Variants in ERAP1 observed in about 807,000 individuals in gnomAD.
The protein encoded by ERAP1 is endoplasmic reticulum aminopeptidase 1, also known as adipocyte-derived leucine aminopeptidase.
Under a neutral mutation model 103.7 loss-of-function variants are expected in ERAP1, and 86 were observed. The observed-to-expected ratio is 0.83, with a 90% CI of 0.70 to 0.99. ERAP1 has a LOEUF of 0.99. Ranked by LOEUF, ERAP1 falls within the 50% of genes least tolerant of loss-of-function variation. The probability of loss-of-function intolerance (pLI) is 0.00; values close to 1 mark genes in which losing one functional copy is unlikely to be tolerated. For synonymous variants in ERAP1, 398 were observed against 402.4 expected, an observed-to-expected ratio of 0.99 and a Z score of 0.13; for missense variants, 1,009 against 1,128.4, an observed-to-expected ratio of 0.89 and a Z score of 1.52.
Position 96,783,957 on chromosome 5 carries a change from T to C in ERAP1, c.2067A>G (p.Lys689=), listed in dbSNP as rs150327661. The change falls in exon 14 of 19, where the codon AAA becomes AAG. Residue 689 remains lysine (K), a synonymous_variant. Transcript: ENST00000443439. ...GAGTTTCCACTTCATTCATATCTCT[T>C]TTCTCCATTAACTTATACATAGGAA... The part of the protein sequence containing the change: ...ELIPMYKLME[K]RDMNEVETQF... 378 of 1,613,878 alleles carry C rather than the reference T, an allele frequency of 2.3e-4. 4 individuals carry two copies. In the African/African-American group the frequency reaches 4.8e-3, roughly 21 times the overall value.
At chr5:96,856,179 C>A in the ERAP1 span, among the ~76,000 whole-genome samples, 1 of 150,064 alleles carries the variant, frequency 6.7e-6, no homozygotes, top group Non-Finnish European at 1.5e-5. Flanking sequence ...ATTAGCTGGA[C>A]GTGGTGGCAG....
At chr5:96,883,775 G>A in the ERAP1 span, 1 of 1,605,960 alleles carries the variant, frequency 6.2e-7, no homozygotes, top group Non-Finnish European at 8.5e-7. Flanking sequence ...TTTGGCTGGG[G>A]GTGGGTCTTT....
At chr5:96,833,008 C>T in the ERAP1 span, among the ~76,000 whole-genome samples, 5 of 152,170 alleles carry the variant, frequency 3.3e-5, no homozygotes, top group African/African-American at 1.2e-4. Context: ...CTTTCTGCCA[C>T]CTGAGGATAC....
chr5:96,791,347 C>CT (rs575252704), intron 8 of ERAP1, among the ~76,000 whole-genome samples: 73 of 152,278 alleles, frequency 4.8e-4, no homozygotes, highest in Non-Finnish European at 1.3e-4. Context: ...TTCCCCTGGA[C>CT]TTTCAATGGA....
intron 14 of ERAP1, among the ~76,000 whole-genome samples, 160 bp from the exon 15 acceptor site, chr5:96,783,395 AAAAC>A (rs1397089052): frequency 6.6e-6 from 1 of 152,164 alleles, no homozygotes; most frequent in Non-Finnish European, 1.5e-5. Flanking sequence ...AAAAGGGCCA[AAAAC>A]AATAAATAAT....
the ERAP1 span, among the ~76,000 whole-genome samples, chr5:96,825,275 C>A: frequency 6.6e-6 from 1 of 152,158 alleles, no homozygotes; most frequent in Non-Finnish European, 1.5e-5. Context: ...GATTAATCTT[C>A]AAATATTTGG....
chr5:96,803,984 A>G, intron 1 of ERAP1, 41 bp from the exon 2 acceptor site: 2 of 1,589,030 alleles, frequency 1.3e-6, no homozygotes, highest in Non-Finnish European at 1.7e-6. Flanking sequence ...ATATGTCATT[A>G]AAATGTTATT....
intron 14 of ERAP1, 40 bp from the exon 15 acceptor site, chr5:96,783,275 A>G (rs753903055): frequency 5.7e-6 from 9 of 1,570,336 alleles, no homozygotes; most frequent in African/African-American, 5.4e-5. Context: ...CAGTATTGTC[A>G]CAGGTCATTT....
the ERAP1 span, chr5:96,880,180 T>A: frequency 6.2e-7 from 1 of 1,614,094 alleles, no homozygotes; most frequent in East Asian, 2.2e-5. Flanking sequence ...ACTATGTGGC[T>A]ATGGACTTCC....
At chr5:96,899,786 A>G in the ERAP1 span, among the ~76,000 whole-genome samples, 1 of 152,254 alleles carries the variant, frequency 6.6e-6, no homozygotes, top group Non-Finnish European at 1.5e-5. Flanking sequence ...AACATGCAGC[A>G]TGAAATAATA....
At chr5:96,906,436 T>C in the ERAP1 span, among the ~76,000 whole-genome samples, 15 of 151,972 alleles carry the variant, frequency 9.9e-5, no homozygotes, top group African/African-American at 3.6e-4. Context: ...CCAACCAATT[T>C]TTAAATTTTT....
chr5:96,776,457 A>G lies in ERAP1; in HGVS notation c.2765T>C (p.Met922Thr). ...TCTGATTTTATCAAAATTCTTATCC[A>G]TCCAACCGATGTTTTCTTCAATGGT... The part of the protein sequence containing the change: ...IETIEENIGW[M>T]DKNFDKIRVW... Residue 922 changes from methionine to threonine, a missense_variant, in exon 19 of 19, where the codon ATG becomes ACG. This residue lies in a region of ERAP1 where 611 missense variants were observed against 651.7 expected (regional missense o/e 0.94). Coordinates refer to ENST00000443439, the MANE Select transcript of ERAP1 (RefSeq NM_001040458.3). 1 of 1,614,136 alleles carries G rather than the reference A, an allele frequency of 6.2e-7. No individual in the cohort carries two copies. Among genetic ancestry groups the G allele is most frequent in the Non-Finnish European group, 8.5e-7 (1 of 1,180,018 alleles).
the ERAP1 span, chr5:96,903,326 C>T: frequency 7.1e-7 from 1 of 1,400,110 alleles, no homozygotes; most frequent in Non-Finnish European, 9.7e-7. Context: ...TGGAGATGTT[C>T]TGAATAAGTT....
chr5:96,927,596 C>T, the ERAP1 span, among the ~76,000 whole-genome samples: 1 of 151,988 alleles, frequency 6.6e-6, no homozygotes, highest in African/African-American at 2.4e-5. Flanking sequence ...ACGCCATTCT[C>T]CTGCCTCAGC....
chr5:96,837,985 C>G, the ERAP1 span, among the ~76,000 whole-genome samples: 1 of 151,910 alleles, frequency 6.6e-6, no homozygotes, highest in Non-Finnish European at 1.5e-5. Context: ...TGACATCCCA[C>G]TGCTTCTCCT....
At chr5:96,908,286 T>C in the ERAP1 span, among the ~76,000 whole-genome samples, 2 of 152,188 alleles carry the variant, frequency 1.3e-5, no homozygotes, top group African/African-American at 4.8e-5. Context: ...CACTTTCCAA[T>C]AGTGAGGTTA....
chr5:96,808,261 T>TGTGTGTGTGTGTGTGG (rs1387638650), upstream of ERAP1: 1 of 837,656 alleles, frequency 1.2e-6, no homozygotes, highest in African/African-American at 2.2e-5. Flanking sequence ...TGTGTGTGTG[T>TGTGTGTGTGTGTGTGG]TGAGATGCTT....
At chr5:96,797,615 A>C (rs1777493166) in intron 3 of ERAP1, among the ~76,000 whole-genome samples, 1 of 152,144 alleles carries the variant, frequency 6.6e-6, no homozygotes, top group Non-Finnish European at 1.5e-5. Flanking sequence ...GCAGTGAGCC[A>C]AGATTGAGCC....
the ERAP1 span, chr5:96,881,614 G>A: frequency 2.9e-5 from 12 of 411,928 alleles, no homozygotes; most frequent in Non-Finnish European, 5.3e-5. Flanking sequence ...CCAGAAGTAG[G>A]GCAGCTCAGA....
Sources: gnomAD v4.1 joint callset for allele counts (sites outside exome capture counted in the v4.1 genomes callset) on GRCh38, gnomAD v4.1.1 for gene constraint, gnomAD v4.1.1 regional missense constraint, MANE v1.5 for transcripts, NCBI Gene and HGNC (gene_info 2026-07-23, HGNC 2026-07-21) for gene names.